RBFOX1: variants seen among roughly 807,000 people sequenced by gnomAD.
RBFOX1 encodes the protein RNA binding fox-1 homolog 1, also known as RNA binding protein fox-1 homolog 1.
In RBFOX1, 8 loss-of-function variants were observed where a neutral mutation model predicts 57.7. The ratio of observed to expected loss-of-function variants is 0.14; its 90% CI spans 0.08 to 0.25. RBFOX1 has a LOEUF of 0.25. RBFOX1 is among the 10% of genes least tolerant of loss of function. The probability of loss-of-function intolerance (pLI) is 1.00; values close to 1 mark genes in which losing one functional copy is unlikely to be tolerated. For missense variants in RBFOX1, 611 were observed against 548.5 expected (o/e 1.11, Z -1.14); for synonymous variants, 326 against 222.4 (o/e 1.47, Z -4.15).
At chr16:7,469,738 C>T (rs1184052631) in intron 4 of RBFOX1, among the ~76,000 whole-genome samples, 1 of 152,072 alleles carries the variant, frequency 6.6e-6, no homozygotes, top group African/African-American at 2.4e-5. Context: ...AATTCAGTAG[C>T]ATTAAGTATA....
chr16:5,785,049 C>T (rs969919899), intron 3 of RBFOX1, among the ~76,000 whole-genome samples: 18 of 152,206 alleles, frequency 1.2e-4, no homozygotes, highest in Admixed American at 7.2e-4. Flanking sequence ...ACATTGTTAG[C>T]CATCCAGTGT....
intron 4 of RBFOX1, among the ~76,000 whole-genome samples, chr16:7,104,441 G>C (rs1046128178): frequency 7.2e-5 from 11 of 152,064 alleles, no homozygotes; most frequent in South Asian, 4.1e-4. Context: ...CTGAGATGGA[G>C]GGAAATTGAT....
At chr16:5,416,867 C>T (rs904511992) in intron 1 of RBFOX1, among the ~76,000 whole-genome samples, 7 of 152,222 alleles carry the variant, frequency 4.6e-5, no homozygotes, top group African/African-American at 1.2e-4. Flanking sequence ...TTTGTTACTG[C>T]GGCATAACCC....
intron 3 of RBFOX1, among the ~76,000 whole-genome samples, chr16:6,725,509 G>T (rs1460933794): frequency 6.6e-6 from 1 of 151,912 alleles, no homozygotes; most frequent in Non-Finnish European, 1.5e-5. Context: ...CTCAGTTTTG[G>T]GAATTGCCCA....
chr16:5,753,753 C>G (rs772675115), intron 3 of RBFOX1, among the ~76,000 whole-genome samples: 7 of 152,162 alleles, frequency 4.6e-5, no homozygotes, highest in Non-Finnish European at 8.8e-5. Context: ...CACAGCACTG[C>G]TCTCCCTTGT....
intron 3 of RBFOX1, among the ~76,000 whole-genome samples, chr16:5,831,635 G>A (rs1178439070): frequency 6.6e-6 from 1 of 151,900 alleles, no homozygotes; most frequent in African/African-American, 2.4e-5. Context: ...GGTTACAGGT[G>A]CCCACCACCA....
chr16:6,379,996 G>A (rs983851970), intron 2 of RBFOX1, among the ~76,000 whole-genome samples: 18 of 152,182 alleles, frequency 1.2e-4, no homozygotes, highest in Non-Finnish European at 2.1e-4. Context: ...GATGCAGGAA[G>A]GGACACCTTC....
chr16:6,278,780 T>G (rs947029206), intron 1 of RBFOX1, among the ~76,000 whole-genome samples: 6 of 151,986 alleles, frequency 3.9e-5, no homozygotes, highest in African/African-American at 1.4e-4. Context: ...TCAGAGAAAA[T>G]GGAAATAAAA....
At chr16:7,437,836 A>G (rs1442113899) in intron 4 of RBFOX1, among the ~76,000 whole-genome samples, 1 of 151,958 alleles carries the variant, frequency 6.6e-6, no homozygotes, top group Non-Finnish European at 1.5e-5. Context: ...CTGCAACTTG[A>G]CAGGAGGCAG....
chr16:5,366,357 G>T, intron 1 of RBFOX1: 1 of 371,424 alleles, frequency 2.7e-6, no homozygotes, highest in South Asian at 2.3e-5. Context: ...TTTTGATAAT[G>T]AGAAAACTGA....
chr16:6,905,052 A>G (rs769436011), intron 3 of RBFOX1, among the ~76,000 whole-genome samples: 23 of 152,232 alleles, frequency 1.5e-4, no homozygotes, highest in Admixed American at 6.5e-4. Context: ...TACAAAATTG[A>G]ATTACTTAAT....
Position 6,758,867 on chromosome 16 carries a change from C to G in RBFOX1, c.-16+104217C>G, listed in dbSNP as rs559282572. On this transcript the variant is annotated intron_variant, in intron 3 of 15. Transcript: ENST00000550418. ...TGTTTACCCTAATTAGATAAGAAACCTCATCCTAATAAAAGTAATGGACTG... is the reference window on the plus strand; with the variant it reads ...TGTTTACCCTAATTAGATAAGAAACGTCATCCTAATAAAAGTAATGGACTG... Among the ~76,000 whole-genome samples the G allele has an allele frequency of 4.6e-5, 7 of 152,136 alleles. No individual in the cohort carries two copies. In the South Asian group the frequency reaches 1.5e-3, roughly 32 times the overall value.
intron 3 of RBFOX1, among the ~76,000 whole-genome samples, chr16:6,997,862 G>A (rs919465781): frequency 6.6e-6 from 1 of 152,048 alleles, no homozygotes; most frequent in Non-Finnish European, 1.5e-5. Context: ...ACAGTTATCA[G>A]AACACCAGTT....
chr16:6,581,025 T>G (rs1217931579), intron 2 of RBFOX1, among the ~76,000 whole-genome samples: 1 of 152,174 alleles, frequency 6.6e-6, no homozygotes, highest in South Asian at 2.1e-4. Flanking sequence ...AAATGTGATT[T>G]TAGAAGAATG....
intron 3 of RBFOX1, among the ~76,000 whole-genome samples, chr16:7,031,782 A>G (rs956007173): frequency 6.6e-6 from 1 of 152,132 alleles, no homozygotes; most frequent in Non-Finnish European, 1.5e-5. Flanking sequence ...TGCAGAGAAG[A>G]TGCAGATGGC....
chr16:7,032,223 G>C (rs569933954), intron 3 of RBFOX1, among the ~76,000 whole-genome samples: 1 of 152,044 alleles, frequency 6.6e-6, no homozygotes, highest in South Asian at 2.1e-4. Context: ...TCAGGAGTTC[G>C]AGACCAGACT....
At chr16:6,921,666 G>T (rs1316078792) in intron 3 of RBFOX1, among the ~76,000 whole-genome samples, 3 of 148,170 alleles carry the variant, frequency 2.0e-5, no homozygotes, top group African/African-American at 7.5e-5. Flanking sequence ...TCTTAGGGTT[G>T]CTTTCAATCA....
intron 1 of RBFOX1, among the ~76,000 whole-genome samples, chr16:6,256,213 A>ATATATTTG (rs1567788279): frequency 1.5e-5 from 1 of 67,144 alleles, no homozygotes; most frequent in Admixed American, 2.2e-4. Flanking sequence ...GTATATGTGT[A>ATATATTTG]TATATATGTA....
chr16:6,985,711 A>G (rs1379243150), intron 3 of RBFOX1, among the ~76,000 whole-genome samples: 3 of 151,974 alleles, frequency 2.0e-5, no homozygotes, highest in Admixed American at 6.6e-5. Flanking sequence ...TCAGGTGCCT[A>G]TAATCTCAGC....
Sources: gnomAD v4.1 joint callset for allele counts (sites outside exome capture counted in the v4.1 genomes callset) on GRCh38, gnomAD v4.1.1 for gene constraint, MANE v1.5 for transcripts, NCBI Gene and HGNC (gene_info 2026-07-23, HGNC 2026-07-21) for gene names.